The following PCDHA9 variants were observed in gnomAD, a reference collection of about 807,000 sequenced individuals.
The protein encoded by PCDHA9 is protocadherin alpha 9.
Under a neutral mutation model 62.0 loss-of-function variants are expected in PCDHA9, and 62 were observed. The observed-to-expected ratio is 1.00, with a 90% CI of 0.81 to 1.23. The LOEUF is 1.23. Among genes scored for constraint, PCDHA9 ranks in the 50% most tolerant of loss-of-function variants. The pLI is 0.00. For synonymous variants in PCDHA9, 557 were observed against 567.6 expected (o/e 0.98, Z 0.27); for missense variants, 1,205 against 1,249.8 (o/e 0.96, Z 0.54).
intron 1 of PCDHA9, chr5:140,864,423 CACAA>C (rs1165677153): frequency 1.8e-4 from 27 of 152,176 alleles, no homozygotes; most frequent in Non-Finnish European, 3.4e-4. Flanking sequence ...CAGCTTCGTC[CACAA>C]ACAATTTTGT....
chr5:140,919,607 A>T (rs1357882512), intron 1 of PCDHA9, among the ~76,000 whole-genome samples: 1 of 152,158 alleles, frequency 6.6e-6, no homozygotes. Context: ...ATAAATTTTA[A>T]ACTGTATCTT....
intron 1 of PCDHA9, among the ~76,000 whole-genome samples, chr5:140,900,840 T>G (rs6874218): frequency 0.33 from 49,667 of 152,016 alleles, 8,381 homozygotes; most frequent in East Asian, 0.53. Flanking sequence ...ATGTACAAAG[T>G]TTCCCTTTTT....
intron 1 of PCDHA9, among the ~76,000 whole-genome samples, chr5:140,934,604 G>C (rs1389000917): frequency 6.6e-6 from 1 of 151,762 alleles, no homozygotes; most frequent in Non-Finnish European, 1.5e-5. Context: ...TCAACTATTT[G>C]ATTAGCCTGA....
At chr5:140,965,880 A>G (rs1414604415) in intron 1 of PCDHA9, among the ~76,000 whole-genome samples, 1 of 152,190 alleles carries the variant, frequency 6.6e-6, no homozygotes, top group Non-Finnish European at 1.5e-5. Context: ...CTTGGCCGAG[A>G]GCAGAATTGA....
intron 1 of PCDHA9, among the ~76,000 whole-genome samples, chr5:140,907,278 A>G (rs558447183): frequency 2.6e-5 from 4 of 152,338 alleles, no homozygotes; most frequent in African/African-American, 7.2e-5. Context: ...CCATCATTCT[A>G]TCAATCCAGC....
intron 3 of PCDHA9, among the ~76,000 whole-genome samples, chr5:140,988,382 T>C (rs2097295449): frequency 6.6e-6 from 1 of 152,148 alleles, no homozygotes; most frequent in African/African-American, 2.4e-5. Flanking sequence ...TGAAACTCAT[T>C]GTGTTTGCCA....
At chr5:140,969,037 C>A (rs1554231375) in intron 1 of PCDHA9, 6 of 1,614,158 alleles carry the variant, frequency 3.7e-6, no homozygotes, top group Non-Finnish European at 5.1e-6. Flanking sequence ...CAGAACTGTA[C>A]AAACAAGCCA....
At chr5:140,855,253 C>A (rs2043395056) in intron 1 of PCDHA9, among the ~76,000 whole-genome samples, 2 of 149,832 alleles carry the variant, frequency 1.3e-5, no homozygotes, top group South Asian at 4.2e-4. Flanking sequence ...CAAGCACTTA[C>A]TATATTATAA....
intron 1 of PCDHA9, chr5:140,869,195 T>A (rs1554162619): frequency 6.2e-7 from 1 of 1,613,916 alleles, no homozygotes; most frequent in East Asian, 2.2e-5. Flanking sequence ...AGCGGCCAGC[T>A]CCACTACTCC....
In PCDHA9 at chr5:141,005,071, G is replaced by A. The variant is rs115656219; in HGVS notation, c.2543-4556G>A. On this transcript the variant is annotated intron_variant, in intron 3 of 3. Coordinates refer to ENST00000532602, the MANE Select transcript of PCDHA9 (RefSeq NM_031857.2). ...TACTGAATTCTTGCATTGTGCTAAG[G>A]ATCAAGCTTAGTACTTTACATGCAT... 5.2e-3 allele frequency among the ~76,000 whole-genome samples: 796 copies of A among 152,278 alleles called. 8 individuals are homozygous for A. The highest frequency in any genetic ancestry group is 0.018 in the African/African-American group (745 of 41,556).
At position 140,968,680 on chromosome 5, in the gene PCDHA9, C is replaced by T. The variant is rs546565550; in HGVS notation, c.2395-10269C>T. 10 of 1,614,154 alleles carry T rather than the reference C, an allele frequency of 6.2e-6. No homozygotes were observed. The South Asian group carries it at 6.6e-5, about 11-fold the overall frequency. ...TGGACCTCTTTAAGGTAGAGCTGCA[C>T]ACAGGAGAAATTAGGACTACCAGGA... On this transcript the variant is annotated intron_variant, in intron 1 of 3. Coordinates refer to ENST00000532602, the MANE Select transcript of PCDHA9 (RefSeq NM_031857.2).
chr5:140,966,945 A>C, intron 1 of PCDHA9: 1 of 1,603,804 alleles, frequency 6.2e-7, no homozygotes, highest in Non-Finnish European at 8.5e-7. Context: ...CTCGTGGGCA[A>C]CGTGGCTCGC....
intron 1 of PCDHA9, among the ~76,000 whole-genome samples, chr5:140,904,286 T>A (rs2071021710): frequency 6.6e-6 from 1 of 152,150 alleles, no homozygotes; most frequent in South Asian, 2.1e-4. Context: ...ATGTGGTGTT[T>A]GGTTTTCCAT....
intron 3 of PCDHA9, among the ~76,000 whole-genome samples, chr5:141,007,858 G>A (rs376865557): frequency 6.6e-6 from 1 of 152,116 alleles, no homozygotes; most frequent in African/African-American, 2.4e-5. Context: ...GTCCTTAAAG[G>A]TCTTTTCCTT....
At chr5:140,852,822 T>C in intron 1 of PCDHA9, 1 of 971,316 alleles carries the variant, frequency 1.0e-6, no homozygotes, top group East Asian at 1.1e-4. Flanking sequence ...CCCTAAGTCC[T>C]CCAGTCTCCT....
intron 1 of PCDHA9, chr5:140,869,328 G>C: frequency 1.2e-6 from 2 of 1,613,960 alleles, no homozygotes; most frequent in Non-Finnish European, 1.7e-6. Flanking sequence ...GGGACCTTCT[G>C]GAGGTAAATC....
chr5:140,881,335 C>T (rs2153378731), intron 1 of PCDHA9: 2 of 984,916 alleles, frequency 2.0e-6, no homozygotes, highest in South Asian at 4.7e-5. Context: ...ACCAGGACGC[C>T]GATTCGGGCT....
chr5:140,916,910 A>G (rs898370877), intron 1 of PCDHA9, among the ~76,000 whole-genome samples: 3 of 152,194 alleles, frequency 2.0e-5, no homozygotes, highest in African/African-American at 7.2e-5. Context: ...AAGTTTACCT[A>G]GAACCTCAGA....
chr5:140,929,245 A>G, intron 1 of PCDHA9: 1 of 1,613,774 alleles, frequency 6.2e-7, no homozygotes. Flanking sequence ...AAATCTTGCC[A>G]CTGGGGTAGG....
Sources: allele counts gnomAD v4.1 joint callset (sites outside exome capture counted in the v4.1 genomes callset), GRCh38; gene constraint gnomAD v4.1.1; transcripts MANE v1.5; gene names NCBI Gene and HGNC (gene_info 2026-07-23, HGNC 2026-07-21).